TTC3: variants seen among roughly 807,000 people sequenced by gnomAD.
TTC3 encodes tetratricopeptide repeat domain 3, also known as E3 ubiquitin-protein ligase TTC3.
TTC3 carries 180 observed loss-of-function variants against 249.6 expected under a neutral mutation model. The ratio of observed to expected loss-of-function variants is 0.72; its 90% CI spans 0.64 to 0.82. The LOEUF is 0.82. TTC3 is among the 40% of genes least tolerant of loss of function. The probability of loss-of-function intolerance (pLI) is 0.00; values close to 1 mark genes in which losing one functional copy is unlikely to be tolerated. For missense variants in TTC3, 2,061 were observed against 2,398.4 expected, an observed-to-expected ratio of 0.86 and a Z score of 2.94; for synonymous variants, 717 against 805.0, an observed-to-expected ratio of 0.89 and a Z score of 1.85.
exon 27 of TTC3, chr21:37,153,006 T>C (rs369466343): frequency 4.5e-5 from 72 of 1,613,888 alleles, no homozygotes; most frequent in Non-Finnish European, 5.6e-5. Context: ...TTCTACAGTG[T>C]ATAAAGCAGT....
At chr21:37,074,177 G>A (rs999473844) in intron 1 of TTC3, among the ~76,000 whole-genome samples, 3 of 152,132 alleles carry the variant, frequency 2.0e-5, no homozygotes, top group African/African-American at 7.2e-5. Flanking sequence ...GGGTAACCTC[G>A]CCGCTCCCCT....
At position 37,073,296 on chromosome 21, in the gene TTC3, T is replaced by TGGC. The variant is rs879750802; in HGVS notation, c.-61_-59dup. The TGGC allele has an allele frequency of 2.6e-3, 649 of 253,900 alleles. 3 individuals are homozygous for TGGC. The highest frequency in any genetic ancestry group is 5.3e-3 in the South Asian group (41 of 7,692). The allele number at this position is 253,900 out of a possible 1,614,324, so 15.7% of individuals were successfully genotyped here. ...GTCGGCTGACGTGGAGGGCCGGAGG[T>TGGC]GGCGGCGGCGGCGGCGGCGGCTGCT... is the stretch of plus-strand genomic sequence containing the variant. On this transcript the variant is annotated 5_prime_UTR_variant, in exon 1 of 46. Coordinates refer to ENST00000355666, the Ensembl canonical transcript of TTC3.
intron 21 of TTC3, 131 bp downstream of exon 21, chr21:37,144,776 T>G (rs934273607): frequency 9.0e-7 from 1 of 1,116,260 alleles, no homozygotes; most frequent in Non-Finnish European, 1.2e-6. Context: ...CCCTCTACTG[T>G]CTAATGAGAA....
intron 31 of TTC3, 59 bp from the exon 32 acceptor site, chr21:37,163,992 A>G (rs2081015560): frequency 1.3e-6 from 2 of 1,532,078 alleles, no homozygotes; most frequent in Non-Finnish European, 1.8e-6. Context: ...TTCTGGTTAA[A>G]TAATAAACCA....
At position 37,198,008 on chromosome 21, in the gene TTC3, G is replaced by A. The variant is rs200799336; in HGVS notation, c.5833G>A (p.Asp1945Asn). Reference sequence around the variant, plus strand: ...CAAAACCAAGGGGCAGAAAGCAGAAGATGTCCCTGTGAGGATTGTATGTAT... The same window carrying A: ...CAAAACCAAGGGGCAGAAAGCAGAAAATGTCCCTGTGAGGATTGTATGTAT... The change falls in exon 44 of 46, where the codon GAT (aspartate) becomes AAT (asparagine). Residue 1945 changes from aspartate to asparagine, a missense_variant. Asp to Asn is a conservative substitution (Grantham distance 23). This residue lies in a region of TTC3 where 1,040 missense variants were observed against 1,186.1 expected (regional missense o/e 0.88). Coordinates refer to ENST00000355666, the Ensembl canonical transcript of TTC3. 8.0e-5 allele frequency: 129 copies of A among 1,612,448 alleles called. No homozygotes were observed. The highest frequency in any genetic ancestry group is 1.7e-4 in the Admixed American group (10 of 59,376).
At chr21:37,157,411 G>T (rs975269723) in intron 28 of TTC3, among the ~76,000 whole-genome samples, 1 of 152,224 alleles carries the variant, frequency 6.6e-6, no homozygotes, top group African/African-American at 2.4e-5. Flanking sequence ...AGTGATGGGT[G>T]TTGAGAAGGA....
intron 1 of TTC3, among the ~76,000 whole-genome samples, chr21:37,074,201 C>G (rs965494140): frequency 3.3e-5 from 5 of 152,258 alleles, no homozygotes; most frequent in African/African-American, 2.4e-5. Context: ...CCCCGCGCCT[C>G]TTTCTGAGCA....
At chr21:37,166,449 G>A (rs1161715996) in exon 33 of TTC3, 1 of 1,614,034 alleles carries the variant, frequency 6.2e-7, no homozygotes, top group African/African-American at 1.3e-5. Context: ...GGCTCTTTGG[G>A]AATATCTGTA....
chr21:37,174,182 C>A (rs989230788), intron 35 of TTC3, among the ~76,000 whole-genome samples: 1 of 152,114 alleles, frequency 6.6e-6, no homozygotes, highest in African/African-American at 2.4e-5. Context: ...ACAGTCAGTC[C>A]AGAAGAGTCT....
At chr21:37,157,271 G>T in intron 28 of TTC3, 1 of 1,071,622 alleles carries the variant, frequency 9.3e-7, no homozygotes, top group Non-Finnish European at 1.3e-6. Context: ...AGTAGGTGAT[G>T]TTTGCAGAAT....
chr21:37,193,780 GAAAGGCAGACTTTA>G (rs2084508348), intron 41 of TTC3: 1 of 152,212 alleles, frequency 6.6e-6, no homozygotes, highest in South Asian at 2.1e-4. Flanking sequence ...TGGACTTGGG[GAAAGGCAGACTTTA>G]AACCCATTGT....
intron 11 of TTC3, among the ~76,000 whole-genome samples, chr21:37,109,861 A>G (rs1303605849): frequency 6.6e-6 from 1 of 152,118 alleles, no homozygotes; most frequent in East Asian, 1.9e-4. Flanking sequence ...TCTGAGACAA[A>G]ACTTCCAGAG....
exon 8 of TTC3, chr21:37,094,071 G>T: frequency 6.2e-7 from 1 of 1,604,304 alleles, no homozygotes; most frequent in South Asian, 1.1e-5. Context: ...AAAACTCAAA[G>T]TTGTATGGAT....
At position 37,195,672 on chromosome 21, in the gene TTC3, C is replaced by A; in HGVS notation, c.5218-3C>A. On this transcript the variant is annotated splice_polypyrimidine_tract_variant and splice_region_variant and intron_variant, in intron 41 of 45. Coordinates refer to ENST00000355666, the Ensembl canonical transcript of TTC3. ...GATCCATGGTGTGGTGTGTTCCTCA[C>A]AGGTTCATCCCGAGTTACTCCCTGA... is the stretch of plus-strand genomic sequence containing the variant. 6.3e-7 allele frequency: 1 copy of A among 1,598,822 alleles called. No homozygotes were observed.
chr21:37,122,352 G>A (rs942457973), intron 12 of TTC3, among the ~76,000 whole-genome samples: 1 of 148,944 alleles, frequency 6.7e-6, no homozygotes, highest in African/African-American at 2.5e-5. Context: ...AGACCCTTCA[G>A]TAGAGCTGCT....
exon 46 of TTC3, chr21:37,201,638 C>A: frequency 6.4e-7 from 1 of 1,568,424 alleles, no homozygotes; most frequent in South Asian, 1.2e-5. Flanking sequence ...TTTTCTACCA[C>A]TGGTGTAAAA....
chr21:37,102,992 G>A (rs1268527766), intron 10 of TTC3, among the ~76,000 whole-genome samples: 2 of 152,142 alleles, frequency 1.3e-5, no homozygotes, highest in African/African-American at 4.8e-5. Flanking sequence ...GTGAGACCAT[G>A]TCTAAAAAAA....
In TTC3 at chr21:37,192,224, CACA is replaced by C; in HGVS notation, c.5217+12_5217+14del. On this transcript the variant is annotated intron_variant, in intron 41 of 45. Transcript: ENST00000355666. ...CCTGCCTGTAACACGGTAAGTCTAG[CACA>C]TCTTTTTTTTTTTTTTAAACCATAA... 6.6e-7 allele frequency: 1 copy of C among 1,525,830 alleles called. No homozygotes were observed. Among genetic ancestry groups the C allele is most frequent in the Admixed American group, 2.1e-5 (1 of 46,730 alleles). 94.5% of individuals were successfully genotyped at this position (1,525,830 alleles called of 1,614,324 possible). A position where few individuals can be genotyped will look rare whatever the true frequency, so the allele number is the denominator to read the frequency against.
At chr21:37,092,865 C>T (rs2073451316) in intron 7 of TTC3, among the ~76,000 whole-genome samples, 1 of 151,878 alleles carries the variant, frequency 6.6e-6, no homozygotes, top group Non-Finnish European at 1.5e-5. Context: ...GAAAATGAGG[C>T]CCGATAAACT....
Sources: allele counts gnomAD v4.1 joint callset (sites outside exome capture counted in the v4.1 genomes callset), GRCh38; gene constraint gnomAD v4.1.1; regional missense constraint gnomAD v4.1.1; transcripts MANE v1.5; gene names NCBI Gene and HGNC (gene_info 2026-07-23, HGNC 2026-07-21).